Variants in PCDH15 observed in about 807,000 individuals in gnomAD.
PCDH15 encodes the protein protocadherin-15.
In PCDH15, 129 loss-of-function variants were observed where a neutral mutation model predicts 178.5. The ratio of observed to expected loss-of-function variants is 0.72; its 90% CI spans 0.63 to 0.84. The LOEUF (loss-of-function observed/expected upper bound fraction) is 0.84, where lower values mean the gene tolerates loss of function less well. PCDH15 is among the 40% of genes least tolerant of loss of function. PCDH15 has a pLI of 0.00. For missense variants in PCDH15, 2,230 were observed against 2,099.9 expected (o/e 1.06, Z -1.21); for synonymous variants, 800 against 732.0 (o/e 1.09, Z -1.50).
At chr10:54,196,608 T>G (rs2049693144) in intron 10 of PCDH15, among the ~76,000 whole-genome samples, 1 of 152,224 alleles carries the variant, frequency 6.6e-6, no homozygotes, top group African/African-American at 2.4e-5. Flanking sequence ...TTGTCTCTTC[T>G]GTGTCTTCTC....
At chr10:54,421,076 T>G (rs1758833) in intron 3 of PCDH15, among the ~76,000 whole-genome samples, 31,975 of 152,036 alleles carry the variant, frequency 0.21, 4,252 homozygotes, top group African/African-American at 0.38. Context: ...TTACTTAATA[T>G]TATGTTTTGC....
intron 2 of PCDH15, among the ~76,000 whole-genome samples, chr10:54,613,939 C>A (rs541198476): frequency 6.6e-6 from 1 of 151,876 alleles, no homozygotes; most frequent in African/African-American, 2.4e-5. Flanking sequence ...TCCCAGACCA[C>A]TTCCAAATTT....
chr10:54,460,961 A>G (rs2077128139), intron 3 of PCDH15, among the ~76,000 whole-genome samples: 1 of 152,124 alleles, frequency 6.6e-6, no homozygotes, highest in Admixed American at 6.6e-5. Context: ...TACCATTTAT[A>G]TTAATGTCTG....
rs183176651 is a variant in PCDH15, at chr10:54,199,809, T to C, written c.1099-3920A>G. ...CTTTCATAAGGTAACCTTATTTATATTTACAGAGTCTATAGTTACGAGTTA... is the reference window on the plus strand; with the variant it reads ...CTTTCATAAGGTAACCTTATTTATACTTACAGAGTCTATAGTTACGAGTTA... On this transcript the variant is annotated intron_variant, in intron 10 of 37. Transcript: ENST00000644397. Among the ~76,000 whole-genome samples the C allele has an allele frequency of 9.9e-5, 15 of 152,236 alleles. No homozygotes were observed. The East Asian group carries it at 2.3e-3, about 24-fold the overall frequency.
At chr10:54,216,897 C>T (rs2052132594) in intron 9 of PCDH15, among the ~76,000 whole-genome samples, 1 of 151,918 alleles carries the variant, frequency 6.6e-6, no homozygotes, top group Admixed American at 6.6e-5. Flanking sequence ...GATGATAATT[C>T]AAATGTAATG....
intron 1 of PCDH15, among the ~76,000 whole-genome samples, chr10:54,705,544 C>A (rs1196884475): frequency 6.6e-6 from 1 of 152,026 alleles, no homozygotes; most frequent in African/African-American, 2.4e-5. Flanking sequence ...ATAGGTTGTA[C>A]TTCTTGATCT....
At chr10:55,120,367 T>C (rs1454496398) in intron 2 of PCDH15, among the ~76,000 whole-genome samples, 2 of 152,110 alleles carry the variant, frequency 1.3e-5, no homozygotes, top group African/African-American at 4.8e-5. Context: ...TAATACCATG[T>C]AGGCAGTTGC....
intron 2 of PCDH15, among the ~76,000 whole-genome samples, chr10:54,979,907 T>C (rs977218244): frequency 6.6e-6 from 1 of 152,116 alleles, no homozygotes; most frequent in African/African-American, 2.4e-5. Context: ...TTTTGGTTAA[T>C]GATATATAAA....
In PCDH15 at chr10:54,674,820, T is replaced by C. The variant is rs536318326; in HGVS notation, c.-28-10530A>G. On this transcript the variant is annotated intron_variant, in intron 1 of 37. Coordinates refer to ENST00000644397, the MANE Select transcript of PCDH15 (RefSeq NM_001384140.1). ...AGATTTATGGAATTCAAACTCATGT[T>C]GTCCAAGGGTCAATTGTGTGTAATT... is the stretch of plus-strand genomic sequence containing the variant. Among the ~76,000 whole-genome samples the C allele has an allele frequency of 1.6e-3, 247 of 152,248 alleles. 1 individual carries two copies. The highest frequency in any genetic ancestry group is 5.5e-3 in the African/African-American group (227 of 41,576).
intron 1 of PCDH15, among the ~76,000 whole-genome samples, chr10:54,725,341 G>A (rs1942323349): frequency 2.0e-5 from 3 of 150,370 alleles, no homozygotes; most frequent in Non-Finnish European, 4.4e-5. Context: ...ACAGTAATGA[G>A]CGAAATTTAG....
At chr10:54,312,329 T>C (rs1227595050) in intron 8 of PCDH15, among the ~76,000 whole-genome samples, 3 of 152,108 alleles carry the variant, frequency 2.0e-5, no homozygotes, top group South Asian at 2.1e-4. Flanking sequence ...CATAACAATG[T>C]ACATAAAAAC....
intron 1 of PCDH15, among the ~76,000 whole-genome samples, chr10:54,708,155 C>T (rs1168358226): frequency 1.3e-5 from 2 of 152,140 alleles, no homozygotes; most frequent in Admixed American, 6.5e-5. Flanking sequence ...TAGAAGCAGG[C>T]CAAGACCACG....
At chr10:55,334,030 G>T (rs1236756872) in intron 2 of PCDH15, among the ~76,000 whole-genome samples, 3 of 150,918 alleles carry the variant, frequency 2.0e-5, no homozygotes, top group Non-Finnish European at 4.4e-5. Context: ...TAAATAAAAT[G>T]ATATTTTATT....
intron 3 of PCDH15, among the ~76,000 whole-genome samples, chr10:54,492,990 G>C (rs1405272764): frequency 6.6e-6 from 1 of 152,104 alleles, no homozygotes; most frequent in Non-Finnish European, 1.5e-5. Context: ...AGCAGGCAAA[G>C]AGAGAGAATT....
At chr10:54,234,619 T>C (rs1453413537) in intron 9 of PCDH15, among the ~76,000 whole-genome samples, 1 of 152,148 alleles carries the variant, frequency 6.6e-6, no homozygotes, top group Non-Finnish European at 1.5e-5. Context: ...TAAAATTATG[T>C]CTAGTGTGAG....
In PCDH15 at chr10:54,369,190, A is replaced by G. The variant is rs369426325; in HGVS notation, c.404T>C (p.Ile135Thr). ...GTTGTCATTCCTGTCTCTCACCACT[A>G]TTCGCACTTCATGGTAGATAATAGT... ...VGTIIYHEVR[I>T]VVRDRNDNSP... is the part of the protein sequence containing the mutation. The change falls in exon 5 of 38, where the codon ATA becomes ACA. Residue 135 changes from isoleucine to threonine, a missense_variant. Transcript: ENST00000644397. 1.2e-6 allele frequency: 2 copies of G among 1,613,120 alleles called. No individual in the cohort carries two copies. Among genetic ancestry groups the G allele is most frequent in the Admixed American group, 3.3e-5 (2 of 59,824 alleles).
At chr10:55,071,192 A>G (rs566549855) in intron 2 of PCDH15, among the ~76,000 whole-genome samples, 1 of 152,284 alleles carries the variant, frequency 6.6e-6, no homozygotes, top group African/African-American at 2.4e-5. Context: ...TGAATCAACT[A>G]ATGAGCAAAA....
At chr10:54,298,254 C>T (rs569933749) in intron 8 of PCDH15, among the ~76,000 whole-genome samples, 10 of 152,240 alleles carry the variant, frequency 6.6e-5, no homozygotes, top group Middle Eastern at 3.4e-3. Flanking sequence ...GTTTATTACC[C>T]GATCAGCCAC....
chr10:54,663,313 A>C (rs909629095), intron 2 of PCDH15, among the ~76,000 whole-genome samples: 6 of 151,786 alleles, frequency 4.0e-5, no homozygotes, highest in Non-Finnish European at 7.4e-5. Flanking sequence ...CTTGAATAAG[A>C]ACGAGGAAAA....
Sources: allele counts gnomAD v4.1 joint callset (sites outside exome capture counted in the v4.1 genomes callset), GRCh38; gene constraint gnomAD v4.1.1; transcripts MANE v1.5; gene names NCBI Gene and HGNC (gene_info 2026-07-23, HGNC 2026-07-21).